TSEN54: variants seen among roughly 807,000 people sequenced by gnomAD.
The protein encoded by TSEN54 is tRNA splicing endonuclease subunit 54, also known as tRNA-splicing endonuclease subunit Sen54.
In TSEN54, 55 loss-of-function variants were observed where a neutral mutation model predicts 61.9. The observed-to-expected ratio is 0.89, with a 90% confidence interval of 0.72 to 1.11. TSEN54 has a LOEUF of 1.11. Among genes scored for constraint, TSEN54 ranks in the 50% most tolerant of loss-of-function variants. The probability of loss-of-function intolerance (pLI) is 0.00; values close to 1 mark genes in which losing one functional copy is unlikely to be tolerated. For missense variants in TSEN54, 760 were observed against 687.7 expected (o/e 1.11, Z -1.18); for synonymous variants, 304 against 288.7 (o/e 1.05, Z -0.54).
chr17:75,522,084 G>A lies in TSEN54; in HGVS notation c.1003G>A (p.Glu335Lys). 6.3e-7 allele frequency: 1 copy of A among 1,585,460 alleles called. No individual in the cohort carries two copies. The highest frequency in any genetic ancestry group is 1.8e-5 in the Admixed American group (1 of 56,492). ...CGTGGCTGGGCGGGAGACAGACGCTGAGTCCTGGTGCCAGAAGCTGAACCA... is the reference window on the plus strand; with the variant it reads ...CGTGGCTGGGCGGGAGACAGACGCTAAGTCCTGGTGCCAGAAGCTGAACCA... ...ANVAGRETDA[E>K]SWCQKLNQRK... is the part of the protein sequence containing the mutation. Residue 335 changes from glutamate to lysine, a missense_variant, in exon 8 of 11, where the codon GAG becomes AAG. By Grantham distance (56) the Glu-to-Lys change is moderately conservative. Coordinates refer to ENST00000333213, the MANE Select transcript of TSEN54 (RefSeq NM_207346.3).
chr17:75,521,872 T>A lies in TSEN54; in HGVS notation c.791T>A (p.Leu264Gln). 1 of 1,610,670 alleles carries A rather than the reference T, an allele frequency of 6.2e-7. No homozygotes were observed. Among genetic ancestry groups the A allele is most frequent in the Non-Finnish European group, 8.5e-7 (1 of 1,178,976 alleles). ...GGCCCCTTTCAGCTTCTGGGGTCCC[T>A]GGGCCCCAGCCCTGGCCCGGCCAGG... The part of the protein sequence containing the change: ...PGGPFQLLGS[L>Q]GPSPGPAREG... The change falls in exon 8 of 11, where the codon CTG (leucine) becomes CAG (glutamine). Residue 264 changes from leucine (L) to glutamine (Q), a missense_variant. By Grantham distance (113) the Leu-to-Gln change is moderately radical. Around this residue, in one of 3 missense-constraint regions of TSEN54, gnomAD observed 667 missense variants for 577.8 expected, o/e 1.15. Coordinates refer to ENST00000333213, the MANE Select transcript of TSEN54 (RefSeq NM_207346.3).
intron 6 of TSEN54, among the ~76,000 whole-genome samples, chr17:75,520,534 C>T (rs1434902619): frequency 4.0e-5 from 6 of 149,390 alleles, no homozygotes; most frequent in South Asian, 4.2e-4. Flanking sequence ...TGCAGTGAGC[C>T]GAGATCTTGC....
chr17:75,517,289 C>T (rs1281331762), intron 4 of TSEN54, 45 bp downstream of exon 4: 3 of 1,553,334 alleles, frequency 1.9e-6, no homozygotes, highest in Non-Finnish European at 1.7e-6. Flanking sequence ...GACCAAAGAA[C>T]GGGAAGGACA....
chr17:75,519,147 C>T, intron 6 of TSEN54, 100 bp downstream of exon 6: 2 of 1,394,060 alleles, frequency 1.4e-6, no homozygotes, highest in African/African-American at 1.4e-5. Context: ...GAACCCTTGG[C>T]TGGAGTGCAG....
intron 4 of TSEN54, 115 bp downstream of exon 4, chr17:75,517,359 C>G (rs1288299503): frequency 9.1e-6 from 12 of 1,313,756 alleles, no homozygotes; most frequent in Non-Finnish European, 1.3e-5. Context: ...AACCAAACTT[C>G]TAAAGCAGGA....
At chr17:75,517,822 A>AT (rs1335332020) in intron 5 of TSEN54, among the ~76,000 whole-genome samples, 167 bp downstream of exon 5, 5 of 152,224 alleles carry the variant, frequency 3.3e-5, no homozygotes, top group African/African-American at 1.2e-4. Context: ...TTGGCTTCAC[A>AT]TAGACCCCAG....
At position 75,523,738 on chromosome 17, in the gene TSEN54, G is replaced by A. The variant is rs141743615; in HGVS notation, c.1389G>A (p.Lys463=). 1 of 1,614,140 alleles carries A rather than the reference G, an allele frequency of 6.2e-7. No individual in the cohort carries two copies. Among genetic ancestry groups the A allele is most frequent in the Non-Finnish European group, 8.5e-7 (1 of 1,180,012 alleles). The change falls in exon 10 of 11, where the codon AAG becomes AAA. Residue 463 remains lysine, a synonymous_variant. Transcript: ENST00000333213. ...YQADAVATFR[K]NNPGKPYARM... ...CCGACGCTGTGGCCACATTCCGAAAGAATAACCCTGGCAAACCCTATGCCC... is the reference window on the plus strand; with the variant it reads ...CCGACGCTGTGGCCACATTCCGAAAAAATAACCCTGGCAAACCCTATGCCC...
chr17:75,517,946 G>C (rs1038886647), intron 5 of TSEN54, among the ~76,000 whole-genome samples: 1 of 152,146 alleles, frequency 6.6e-6, no homozygotes, highest in Non-Finnish European at 1.5e-5. Flanking sequence ...TGCAGTGAGT[G>C]AAAAATAGAT....
At position 75,516,738 on chromosome 17, in the gene TSEN54, T is replaced by TC; in HGVS notation, c.57-3dup. On this transcript the variant is annotated splice_region_variant and splice_polypyrimidine_tract_variant and intron_variant, in intron 1 of 10. Coordinates refer to ENST00000333213, the MANE Select transcript of TSEN54 (RefSeq NM_207346.3). ...GCGGCGCTGACCCCGCGTCCCCTTC[T>TC]CCCCCAGCGCCCGGGAGCTCTTCGC... The TC allele has an allele frequency of 6.5e-7, 1 of 1,546,926 alleles. No homozygotes were observed. The highest frequency in any genetic ancestry group is 8.7e-7 in the Non-Finnish European group (1 of 1,154,870).
chr17:75,524,682 A>C lies in TSEN54; in HGVS notation c.*270A>C. The C allele has an allele frequency of 1.8e-6, 1 of 558,570 alleles. No homozygotes were observed. Among genetic ancestry groups the C allele is most frequent in the Middle Eastern group, 3.9e-4 (1 of 2,596 alleles). 34.6% of individuals were successfully genotyped at this position (558,570 alleles called of 1,614,324 possible). ...GAGAGGACTGTGTGCCTTTAACGAG[A>C]GGGTGCCTGCTTCGTGCTATAAAGC... is the stretch of plus-strand genomic sequence containing the variant. On this transcript the variant is annotated 3_prime_UTR_variant, in exon 11 of 11. Transcript: ENST00000333213.
At position 75,517,353 on chromosome 17, in the gene TSEN54, A is replaced by G. The variant is rs6501819; in HGVS notation, c.369+109A>G. ...CCCGGTCTTTAGAGAACTGATAACC[A>G]AACTTCTAAAGCAGGAGGTGGTACG... On this transcript the variant is annotated intron_variant, in intron 4 of 10. Transcript: ENST00000333213. 0.14 allele frequency: 185,677 copies of G among 1,346,056 alleles called. 15,117 individuals are homozygous for G. The highest frequency in any genetic ancestry group is 0.34 in the African/African-American group (23,240 of 68,736). The allele number at this position is 1,346,056 out of a possible 1,614,324, so 83.4% of individuals were successfully genotyped here. A position where few individuals can be genotyped will look rare whatever the true frequency, so the allele number is the denominator to read the frequency against.
intron 7 of TSEN54, 82 bp downstream of exon 7, chr17:75,521,592 C>T: frequency 6.4e-7 from 1 of 1,569,586 alleles, no homozygotes; most frequent in Non-Finnish European, 8.8e-7. Context: ...TAAGAACCAG[C>T]AGCTCCCATG....
chr17:75,518,645 C>T (rs2053397889), intron 5 of TSEN54: 1 of 985,310 alleles, frequency 1.0e-6, no homozygotes, highest in Non-Finnish European at 1.2e-6. Context: ...CACCTGCCAT[C>T]ATTTTGTTCA....
In TSEN54 at chr17:75,516,862, G is replaced by A; in HGVS notation, c.173G>A (p.Cys58Tyr). Residue 58 changes from cysteine (C) to tyrosine (Y), a missense_variant, in exon 2 of 11, where the codon TGC (cysteine) becomes TAC (tyrosine). Physicochemically the swap from Cys to Tyr is radical, Grantham distance 194. Around this residue, in one of 3 missense-constraint regions of TSEN54, gnomAD observed 667 missense variants for 577.8 expected, o/e 1.15. Transcript: ENST00000333213. The part of the protein sequence containing the change: ...SAAQAERLRR[C>Y]REELWQLLAE... ...GCTCAGGCCGAGCGGCTGCGCCGGTGCCGGGAAGAGCTCTGGCAGCTGCTG... is the reference window on the plus strand; with the variant it reads ...GCTCAGGCCGAGCGGCTGCGCCGGTACCGGGAAGAGCTCTGGCAGCTGCTG... The A allele has an allele frequency of 6.4e-7, 1 of 1,567,950 alleles. No homozygotes were observed. Among genetic ancestry groups the A allele is most frequent in the Non-Finnish European group, 8.6e-7 (1 of 1,163,792 alleles).
chr17:75,521,658 C>T, intron 7 of TSEN54, 47 bp from the exon 8 acceptor site: 1 of 1,605,466 alleles, frequency 6.2e-7, no homozygotes, highest in Admixed American at 1.7e-5. Context: ...ACGTGTGCAC[C>T]TTAGCAACCA....
chr17:75,520,919 G>GCACTC (rs1306117044), intron 6 of TSEN54, among the ~76,000 whole-genome samples: 1 of 149,306 alleles, frequency 6.7e-6, no homozygotes. Flanking sequence ...TTGTGCCACT[G>GCACTC]CACTCCAGCC....
chr17:75,522,321 G>GTA lies in TSEN54; in HGVS notation c.1240_1241insTA (p.Ala414ValfsTer88). ...CACCCCGCTGCTGAGTCCTGGCCAG[G>GTA]CCAGCTCCCCAGGTACCCCCTCAGC... On this transcript the variant is annotated frameshift_variant, in exon 8 of 11. Transcript: ENST00000333213. LOFTEE classifies it high-confidence loss of function. The GTA allele has an allele frequency of 2.6e-6, 4 of 1,545,342 alleles. No individual in the cohort carries two copies. Among genetic ancestry groups the GTA allele is most frequent in the Non-Finnish European group, 3.5e-6 (4 of 1,146,832 alleles).
At chr17:75,518,607 G>A (rs1002967309) in intron 5 of TSEN54, 1 of 985,310 alleles carries the variant, frequency 1.0e-6, no homozygotes, top group South Asian at 4.7e-5. Flanking sequence ...CGGCATCTGT[G>A]GAGGTGTGGG....
chr17:75,517,267 G>C, intron 4 of TSEN54, 23 bp downstream of exon 4: 1 of 1,574,536 alleles, frequency 6.4e-7, no homozygotes, highest in Non-Finnish European at 8.6e-7. Context: ...CGGGAGGTGG[G>C]GAAGGAGTTG....
Sources: allele counts gnomAD v4.1 joint callset (sites outside exome capture counted in the v4.1 genomes callset), GRCh38; gene constraint gnomAD v4.1.1; regional missense constraint gnomAD v4.1.1; transcripts MANE v1.5; gene names NCBI Gene and HGNC (gene_info 2026-07-23, HGNC 2026-07-21).